The following JRK variants were observed in gnomAD, a reference collection of about 807,000 sequenced individuals.
JRK encodes the protein Jrk helix-turn-helix protein.
For missense variants in JRK, 720 were observed against 509.2 expected, an observed-to-expected ratio of 1.41 and a Z score of -3.98; for synonymous variants, 303 against 218.1, an observed-to-expected ratio of 1.39 and a Z score of -3.43.
rs1563796724 is a variant in JRK at position 142,665,740 on chromosome 8, CG to C, written c.318del (p.Val107CysfsTer42). 2 of 772,280 alleles carry C rather than the reference CG, an allele frequency of 2.6e-6. No homozygotes were observed. Among genetic ancestry groups the C allele is most frequent in the Admixed American group, 3.4e-5 (2 of 58,210 alleles). 47.8% of individuals were successfully genotyped at this position (772,280 alleles called of 1,614,324 possible). A position where few individuals can be genotyped will look rare whatever the true frequency, so the allele number is the denominator to read the frequency against. Reference sequence around the variant, plus strand: ...TTCTCGATGAGCATGGGGCCTGACACGGGGACGCCCTCGGAGCGCTTCCCCA... The same window carrying C: ...TTCTCGATGAGCATGGGGCCTGACACGGGACGCCCTCGGAGCGCTTCCCCA... ...WFLGKRSEGVPVSGPMLIEKA... is the reference protein window; with the variant it reads ...WFLGKRSEGVXVSGPMLIEKA... On this transcript the variant is annotated frameshift_variant, in exon 2 of 2. Coordinates refer to ENST00000612905, the MANE Select transcript of JRK (RefSeq NM_003724.4). LOFTEE classifies it low-confidence loss of function (END_TRUNC).
the JRK span, among the ~76,000 whole-genome samples, chr8:142,645,707 T>C: frequency 5.9e-5 from 9 of 151,764 alleles, no homozygotes; most frequent in Admixed American, 5.3e-4. Context: ...ATATACATCC[T>C]CTTACTGTGA....
downstream of JRK, among the ~76,000 whole-genome samples, chr8:142,655,748 C>T (rs1261045953): frequency 2.6e-5 from 4 of 152,236 alleles, no homozygotes; most frequent in South Asian, 2.1e-4. Context: ...TCCCACTAAG[C>T]GCGTTCTGCC....
chr8:142,665,401 T>A lies in JRK; in HGVS notation c.658A>T (p.Met220Leu). ...TGGGAGCCCGTGGCGTTGGCACACA[T>A]CAGCACGGTCAGCCGGTCCTTGCCC... is the stretch of plus-strand genomic sequence containing the variant. ...KQGKDRLTVL[M>L]CANATGSHRL... Residue 220 changes from methionine (M) to leucine (L), a missense_variant, in exon 2 of 2, where the codon ATG (methionine) becomes TTG (leucine). Met to Leu is a conservative substitution (Grantham distance 15). Coordinates refer to ENST00000612905, the MANE Select transcript of JRK (RefSeq NM_003724.4). 1.4e-6 allele frequency: 1 copy of A among 717,600 alleles called. No individual in the cohort carries two copies. Among genetic ancestry groups the A allele is most frequent in the Non-Finnish European group, 2.6e-6 (1 of 385,056 alleles). The allele number at this position is 717,600 out of a possible 1,614,324, so 44.5% of individuals were successfully genotyped here.
At position 142,659,471 on chromosome 8, in the gene JRK, G is replaced by T; in HGVS notation, c.*4881C>A. 1.0e-6 allele frequency: 1 copy of T among 986,508 alleles called. No individual in the cohort carries two copies. The highest frequency in any genetic ancestry group is 1.2e-6 in the Non-Finnish European group (1 of 830,642). The allele number at this position is 986,508 out of a possible 1,614,324, so 61.1% of individuals were successfully genotyped here. A position where few individuals can be genotyped will look rare whatever the true frequency, so the allele number is the denominator to read the frequency against. ...TTGCTTCCCAGCCAGCCTGGGTGTGGAAATGGCCGTGCTGACAGGCTCTCT... is the reference window on the plus strand; with the variant it reads ...TTGCTTCCCAGCCAGCCTGGGTGTGTAAATGGCCGTGCTGACAGGCTCTCT... On this transcript the variant is annotated 3_prime_UTR_variant, in exon 2 of 2. Coordinates refer to ENST00000612905, the MANE Select transcript of JRK (RefSeq NM_003724.4).
the JRK span, among the ~76,000 whole-genome samples, chr8:142,646,171 T>C: frequency 9.9e-5 from 15 of 152,212 alleles, no homozygotes; most frequent in African/African-American, 2.4e-5. Context: ...AAAACTACAA[T>C]AGTCATCATT....
chr8:142,665,013 G>C lies in JRK; in HGVS notation c.1046C>G (p.Pro349Arg). The change falls in exon 2 of 2, where the codon CCC (proline) becomes CGC (arginine). Residue 349 changes from proline (P) to arginine (R), a missense_variant. Coordinates refer to ENST00000612905, the MANE Select transcript of JRK (RefSeq NM_003724.4). ...GTAGCGGGCGTGGGGGCCCTGCAGG[G>C]GGACCGGAGGGTTAATGAAGTTCCT... ...FMRNFINPPV[P>R]LQGPHARYNM... 1 of 715,720 alleles carries C rather than the reference G, an allele frequency of 1.4e-6. No homozygotes were observed. Among genetic ancestry groups the C allele is most frequent in the African/African-American group, 1.7e-5 (1 of 57,354 alleles). The allele number at this position is 715,720 out of a possible 1,614,324, so 44.3% of individuals were successfully genotyped here.
the JRK span, among the ~76,000 whole-genome samples, chr8:142,644,990 CTG>C: frequency 1.3e-5 from 2 of 152,202 alleles, no homozygotes; most frequent in Non-Finnish European, 2.9e-5. Context: ...TATAGAGAAA[CTG>C]AACTTATTTT....
Position 142,666,440 on chromosome 8 carries a change from G to T in JRK, c.-382C>A. The T allele has an allele frequency of 2.7e-6, 1 of 366,086 alleles. No individual in the cohort carries two copies. Among genetic ancestry groups the T allele is most frequent in the Admixed American group, 3.9e-5 (1 of 25,656 alleles). The allele number at this position is 366,086 out of a possible 1,614,324, so 22.7% of individuals were successfully genotyped here. On this transcript the variant is annotated 5_prime_UTR_variant, in exon 2 of 2. Coordinates refer to ENST00000612905, the MANE Select transcript of JRK (RefSeq NM_003724.4). ...CTCCCCTCAAACTGACCAGGTTTGG[G>T]GTGGTAGAGGTTTTACCGCATAAGC... is the stretch of plus-strand genomic sequence containing the variant.
the JRK span, among the ~76,000 whole-genome samples, chr8:142,646,000 C>T: frequency 6.6e-6 from 1 of 151,524 alleles, no homozygotes; most frequent in Admixed American, 6.6e-5. Flanking sequence ...AAAGCACACA[C>T]TTTTTTTTAG....
rs1180505915 is a variant in JRK, at chr8:142,661,286, G to A, written c.*3066C>T. The A allele has an allele frequency of 3.0e-6, 3 of 985,352 alleles. No individual in the cohort carries two copies. In the African/African-American group the frequency reaches 5.2e-5, roughly 17 times the overall value. The allele number at this position is 985,352 out of a possible 1,614,324, so 61.0% of individuals were successfully genotyped here. ...AACCCCAACGTAGAAGGGGCTGAAA[G>A]ACCACCTACCCATCCTAACCCCTGA... On this transcript the variant is annotated 3_prime_UTR_variant, in exon 2 of 2. Transcript: ENST00000612905.
Position 142,664,841 on chromosome 8 carries a change from G to A in JRK, c.1218C>T (p.Phe406=). 6.3e-7 allele frequency: 1 copy of A among 1,575,162 alleles called. No individual in the cohort carries two copies. Among genetic ancestry groups the A allele is most frequent in the Non-Finnish European group, 8.7e-7 (1 of 1,148,958 alleles). The change falls in exon 2 of 2, where the codon TTC becomes TTT. Residue 406 remains phenylalanine (F), a synonymous_variant. Transcript: ENST00000612905. ...SSEEELEAEC[F]PVKPHNKSFA... The stretch of plus-strand genomic sequence containing the variant: ...AGGACTTGTTGTGGGGCTTCACTGG[G>A]AAGCACTCTGCCTCCAACTCCTCCT...
At position 142,663,104 on chromosome 8, in the gene JRK, G is replaced by T; in HGVS notation, c.*1248C>A. ...GGAGGTCGAGGCTGCAGTGAGCTGG[G>T]ATCACACCACTTCACTCCAGCCTGG... On this transcript the variant is annotated 3_prime_UTR_variant, in exon 2 of 2. Coordinates refer to ENST00000612905, the MANE Select transcript of JRK (RefSeq NM_003724.4). The T allele has an allele frequency of 1.1e-6, 1 of 936,998 alleles. No individual in the cohort carries two copies. Among genetic ancestry groups the T allele is most frequent in the Non-Finnish European group, 1.3e-6 (1 of 785,788 alleles). 58.0% of individuals were successfully genotyped at this position (936,998 alleles called of 1,614,324 possible). A position where few individuals can be genotyped will look rare whatever the true frequency, so the allele number is the denominator to read the frequency against.
chr8:142,662,319 A>C lies in JRK; in HGVS notation c.*2033T>G, dbSNP rs1460902325. 20 of 985,514 alleles carry C rather than the reference A, an allele frequency of 2.0e-5. No individual in the cohort carries two copies. Among genetic ancestry groups the C allele is most frequent in the Non-Finnish European group, 2.4e-5 (20 of 830,088 alleles). The allele number at this position is 985,514 out of a possible 1,614,324, so 61.0% of individuals were successfully genotyped here. On this transcript the variant is annotated 3_prime_UTR_variant, in exon 2 of 2. Coordinates refer to ENST00000612905, the MANE Select transcript of JRK (RefSeq NM_003724.4). ...CAGCTGGCCTGCCCATGCCCTCCCC[A>C]GCTCCACCCACCCAGGATGTCCTAC...
Position 142,664,605 on chromosome 8 carries a change from A to G in JRK, c.1454T>C (p.Val485Ala), listed in dbSNP as rs782474051. The G allele has an allele frequency of 3.6e-5, 58 of 1,609,334 alleles. 1 individual carries two copies. The Middle Eastern group carries it at 8.2e-4, about 23-fold the overall frequency. ...GGCCACGGCCGCCTGCTCCCAGGCC[A>G]CCTCCTCGCCCTCACCAGGATCTCC... ...GRGDPGEGEE[V>A]AWEQAAVAFD... The change falls in exon 2 of 2, where the codon GTG becomes GCG. Residue 485 changes from valine to alanine, a missense_variant. Coordinates refer to ENST00000612905, the MANE Select transcript of JRK (RefSeq NM_003724.4).
the JRK span, among the ~76,000 whole-genome samples, chr8:142,644,830 A>G: frequency 1.3e-5 from 2 of 152,358 alleles, no homozygotes; most frequent in South Asian, 2.1e-4. Flanking sequence ...AATCTTGACC[A>G]TAAGATAGAA....
the JRK span, among the ~76,000 whole-genome samples, chr8:142,649,454 A>C: frequency 6.6e-6 from 1 of 152,206 alleles, no homozygotes; most frequent in Non-Finnish European, 1.5e-5. Flanking sequence ...TTTGAAGAGA[A>C]GTTCCCCTGC....
the JRK span, among the ~76,000 whole-genome samples, chr8:142,645,681 G>GGA: frequency 6.8e-6 from 1 of 147,258 alleles, no homozygotes; most frequent in Non-Finnish European, 1.5e-5. Flanking sequence ...CTCCATCTCA[G>GGA]AAAAAAAAAA....
At chr8:142,649,440 GT>G in the JRK span, among the ~76,000 whole-genome samples, 2 of 152,178 alleles carry the variant, frequency 1.3e-5, no homozygotes, top group African/African-American at 4.8e-5. Context: ...AGACCTGATG[GT>G]TTTTTGAAGA....
Position 142,664,468 on chromosome 8 carries a change from G to A in JRK, c.1591C>T (p.Arg531Trp), listed in dbSNP as rs368753631. 71 of 1,611,050 alleles carry A rather than the reference G, an allele frequency of 4.4e-5. No homozygotes were observed. Among genetic ancestry groups the A allele is most frequent in the Admixed American group, 3.3e-4 (20 of 59,762 alleles). Residue 531 changes from arginine to tryptophan, a missense_variant, in exon 2 of 2, where the codon CGG (arginine) becomes TGG (tryptophan). Physicochemically the swap from Arg to Trp is moderately radical, Grantham distance 101. Coordinates refer to ENST00000612905, the MANE Select transcript of JRK (RefSeq NM_003724.4). ...ACCACAGCCCCGAGGGCACCACGCC[G>A]CCTCCTCACCTGCTGCTGGCTCCGG... is the stretch of plus-strand genomic sequence containing the variant. ...VFRSQQQVRR[R>W]RGALGAVVKV...
Sources: allele counts gnomAD v4.1 joint callset (sites outside exome capture counted in the v4.1 genomes callset), GRCh38; gene constraint gnomAD v4.1.1; transcripts MANE v1.5; gene names NCBI Gene and HGNC (gene_info 2026-07-23, HGNC 2026-07-21).